Variants in SEC14L3 observed in about 807,000 individuals in gnomAD.
SEC14L3 encodes the protein SEC14 like lipid binding 3.
In SEC14L3, 56 loss-of-function variants were observed where a neutral mutation model predicts 57.4. That is an observed-to-expected ratio of 0.97 (90% confidence interval 0.79 to 1.22). The LOEUF is 1.22. Among genes scored for constraint, SEC14L3 ranks in the 50% most tolerant of loss-of-function variants. SEC14L3 has a pLI of 0.00. For missense variants in SEC14L3, 485 were observed against 511.7 expected, an observed-to-expected ratio of 0.95 and a Z score of 0.50; for synonymous variants, 173 against 194.4, an observed-to-expected ratio of 0.89 and a Z score of 0.92.
intron 12 of SEC14L3, among the ~76,000 whole-genome samples, chr22:30,452,412 T>A (rs1935005875): frequency 6.6e-6 from 1 of 151,818 alleles, no homozygotes; most frequent in African/African-American, 2.4e-5. Context: ...GACTGGCTAA[T>A]TTTTTGTATT....
At chr22:30,449,055 A>G in exon 13 of SEC14L3, 1 of 1,547,628 alleles carries the variant, frequency 6.5e-7, no homozygotes, top group Non-Finnish European at 8.7e-7. Context: ...GAGTCCTCTT[A>G]CACACAGGCC....
intron 11 of SEC14L3, 79 bp downstream of exon 11, chr22:30,461,231 C>A: frequency 2.0e-6 from 3 of 1,498,872 alleles, no homozygotes; most frequent in Non-Finnish European, 2.7e-6. Context: ...TGTGTCACTG[C>A]CCCTCTGTTT....
In SEC14L3 at chr22:30,459,467, G is replaced by A; in HGVS notation, c.*554C>T. ...GGAGACTGAATTGTCTGGGTCTCCA[G>A]AAGAGAGTCCAACCCCACCACACAT... On this transcript the variant is annotated 3_prime_UTR_variant, in exon 12 of 12. Coordinates refer to ENST00000215812, the MANE Select transcript of SEC14L3 (RefSeq NM_174975.5). The A allele has an allele frequency of 2.0e-6, 2 of 985,548 alleles. No homozygotes were observed. The highest frequency in any genetic ancestry group is 2.4e-6 in the Non-Finnish European group (2 of 830,002). 61.1% of individuals were successfully genotyped at this position (985,548 alleles called of 1,614,324 possible).
Position 30,459,825 on chromosome 22 carries a change from A to G in SEC14L3, c.*196T>C, listed in dbSNP as rs1601814683. 3 of 1,275,078 alleles carry G rather than the reference A, an allele frequency of 2.4e-6. No individual in the cohort carries two copies. Among genetic ancestry groups the G allele is most frequent in the Non-Finnish European group, 3.0e-6 (3 of 1,005,554 alleles). 79.0% of individuals were successfully genotyped at this position (1,275,078 alleles called of 1,614,324 possible). ...CTTTTTCCTCTTCTGCAACCTTGGT[A>G]CCCTCCAAGGTTGTGCCTCTCATAC... On this transcript the variant is annotated 3_prime_UTR_variant, in exon 12 of 12. Coordinates refer to ENST00000215812, the MANE Select transcript of SEC14L3 (RefSeq NM_174975.5).
chr22:30,454,102 T>C (rs1935036733), intron 12 of SEC14L3, among the ~76,000 whole-genome samples: 1 of 152,134 alleles, frequency 6.6e-6, no homozygotes, highest in Non-Finnish European at 1.5e-5. Flanking sequence ...AGCTGTCCTG[T>C]ACAACCTGCC....
downstream of SEC14L3, among the ~76,000 whole-genome samples, chr22:30,455,375 G>C (rs2146091241): frequency 6.7e-6 from 1 of 149,182 alleles, no homozygotes; most frequent in Middle Eastern, 3.4e-3. Flanking sequence ...CAGTCTCCTA[G>C]GTAGCTGGGA....
intron 12 of SEC14L3, among the ~76,000 whole-genome samples, chr22:30,450,985 G>A (rs370496037): frequency 2.6e-5 from 4 of 152,248 alleles, no homozygotes; most frequent in Non-Finnish European, 5.9e-5. Flanking sequence ...CGGGCAGAAT[G>A]TTGTCCCCAA....
rs749386710 is a variant in SEC14L3 at position 30,468,491 on chromosome 22, C to T, written c.423+17G>A. The T allele has an allele frequency of 4.4e-6, 7 of 1,594,108 alleles. No individual in the cohort carries two copies. The Admixed American group carries it at 1.2e-4, about 27-fold the overall frequency. Reference sequence around the variant, plus strand: ...CACCTGCCCCCAGCCATCCACCCCACCTGGCCTGGACCTCACCCTCTCTGT... The same window carrying T: ...CACCTGCCCCCAGCCATCCACCCCATCTGGCCTGGACCTCACCCTCTCTGT... On this transcript the variant is annotated intron_variant, in intron 5 of 11. Coordinates refer to ENST00000215812, the MANE Select transcript of SEC14L3 (RefSeq NM_174975.5).
At chr22:30,448,785 A>C in exon 13 of SEC14L3, 1 of 291,572 alleles carries the variant, frequency 3.4e-6, no homozygotes. Flanking sequence ...TCAGCCACTC[A>C]GGAGGCTGAG....
intron 11 of SEC14L3, 128 bp from the exon 12 acceptor site, chr22:30,460,270 C>T (rs1935212251): frequency 2.7e-6 from 4 of 1,498,918 alleles, no homozygotes; most frequent in African/African-American, 1.4e-5. Context: ...CAAGCTCCCA[C>T]CACGCCTCTT....
At chr22:30,465,487 C>T (rs1383418938) in intron 7 of SEC14L3, among the ~76,000 whole-genome samples, 1 of 151,520 alleles carries the variant, frequency 6.6e-6, no homozygotes. Flanking sequence ...GCCAACCATC[C>T]AAATAACTAG....
At position 30,470,252 on chromosome 22, in the gene SEC14L3, C is replaced by T. The variant is rs752658817; in HGVS notation, c.134G>A (p.Arg45Gln). 23 of 1,613,324 alleles carry T rather than the reference C, an allele frequency of 1.4e-5. No individual in the cohort carries two copies. Among genetic ancestry groups the T allele is most frequent in the East Asian group, 2.2e-5 (1 of 44,872 alleles). ...DYFLLRWLRA[R>Q]NFDLQKSEAL... ...CTCCGACTTCTGCAAGTCAAAATTC[C>T]GAGCTGTGGGAAAACAGAAGGAAGG... The change falls in exon 3 of 12, where the codon CGG becomes CAG. Residue 45 changes from arginine (R) to glutamine (Q), a missense_variant. Physicochemically the swap from Arg to Gln is conservative, Grantham distance 43. Coordinates refer to ENST00000215812, the MANE Select transcript of SEC14L3 (RefSeq NM_174975.5).
exon 13 of SEC14L3, chr22:30,448,315 C>T (rs1338019093): frequency 1.3e-5 from 2 of 152,188 alleles, no homozygotes; most frequent in Admixed American, 6.5e-5. Flanking sequence ...TCTGAAGCCA[C>T]CAGGATCCCA....
rs1935250097 is a variant in SEC14L3 at position 30,461,338 on chromosome 22, C to T, written c.1053G>A (p.Gly351=). The T allele has an allele frequency of 1.2e-6, 2 of 1,608,466 alleles. No individual in the cohort carries two copies. Among genetic ancestry groups the T allele is most frequent in the South Asian group, 2.2e-5 (2 of 89,948 alleles). ...RYNAHMVPED[G]NLTCSEAGVY... is the part of the protein sequence containing the mutation. ...CGCCGGCCTCTGAGCAGGTGAGGTT[C>T]CCATCCTCGGGCACCATGTGGGCGT... Residue 351 remains glycine (G), a synonymous_variant, in exon 11 of 12, where the codon GGG becomes GGA. Coordinates refer to ENST00000215812, the MANE Select transcript of SEC14L3 (RefSeq NM_174975.5).
rs1935197293 is a variant in SEC14L3 at position 30,459,946 on chromosome 22, CAGGG to C, written c.*71_*74del. On this transcript the variant is annotated 3_prime_UTR_variant, in exon 12 of 12. Transcript: ENST00000215812. ...AGTCAGGAGGACTAACAATCAATTT[CAGGG>C]AGGGAGGGAGTGTAGGATATAAACA... is the stretch of plus-strand genomic sequence containing the variant. The C allele has an allele frequency of 6.4e-6, 10 of 1,555,958 alleles. No homozygotes were observed. The highest frequency in any genetic ancestry group is 1.2e-5 in the South Asian group (1 of 83,496).
At position 30,464,426 on chromosome 22, in the gene SEC14L3, A is replaced by T. The variant is rs550033687; in HGVS notation, c.664+394T>A. Among the ~76,000 whole-genome samples the T allele has an allele frequency of 3.9e-5, 6 of 152,182 alleles. No homozygotes were observed. In the South Asian group the frequency reaches 1.2e-3, roughly 32 times the overall value. On this transcript the variant is annotated intron_variant, in intron 8 of 11. Coordinates refer to ENST00000215812, the MANE Select transcript of SEC14L3 (RefSeq NM_174975.5). ...GGAAGAAGGAGCCTCTGACTAGGTG[A>T]TGTGTAGAGTTCTGTTGTTTTTGAG...
chr22:30,464,806 C>G lies in SEC14L3; in HGVS notation c.664+14G>C. ...CATGTATAGAGGTCAGGAAATTGAG[C>G]TGGCACTACTTACTTCCCAACACAA... On this transcript the variant is annotated intron_variant, in intron 8 of 11. Coordinates refer to ENST00000215812, the MANE Select transcript of SEC14L3 (RefSeq NM_174975.5). 1 of 1,613,434 alleles carries G rather than the reference C, an allele frequency of 6.2e-7. No homozygotes were observed.
chr22:30,462,902 A>G (rs571691754), intron 8 of SEC14L3, among the ~76,000 whole-genome samples: 6 of 151,954 alleles, frequency 3.9e-5, no homozygotes, highest in Admixed American at 2.0e-4. Flanking sequence ...ATGACTGGCT[A>G]ATTTTTATAT....
chr22:30,457,376 T>TC (rs201362571), downstream of SEC14L3, among the ~76,000 whole-genome samples: 166 of 66,124 alleles, frequency 2.5e-3, 50 homozygotes, highest in African/African-American at 3.7e-3. Context: ...TTTAAGTATG[T>TC]CTTTTTTTTT....
Sources: allele counts gnomAD v4.1 joint callset (sites outside exome capture counted in the v4.1 genomes callset), GRCh38; gene constraint gnomAD v4.1.1; transcripts MANE v1.5; gene names NCBI Gene and HGNC (gene_info 2026-07-23, HGNC 2026-07-21).